PDE7B: variants seen among roughly 807,000 people sequenced by gnomAD.
PDE7B encodes phosphodiesterase 7B, also known as 3',5'-cyclic-AMP phosphodiesterase 7B.
A neutral mutation model predicts 56.2 loss-of-function variants in PDE7B; 29 were observed. That is an observed-to-expected ratio of 0.52 (90% CI 0.38 to 0.70). PDE7B has a LOEUF of 0.70. Among genes scored for constraint, PDE7B ranks in the 30% least tolerant of loss-of-function variants. PDE7B has a pLI of 0.00. For synonymous variants in PDE7B, 197 were observed against 196.9 expected, an observed-to-expected ratio of 1.00 and a Z score of 0.00; for missense variants, 490 against 565.0, an observed-to-expected ratio of 0.87 and a Z score of 1.35.
chr6:136,067,127 A>G (rs1050186172), intron 2 of PDE7B, among the ~76,000 whole-genome samples: 2 of 152,176 alleles, frequency 1.3e-5, no homozygotes, highest in African/African-American at 2.4e-5. Context: ...CTGGAATTAC[A>G]GGTGTGAGCC....
intron 3 of PDE7B, among the ~76,000 whole-genome samples, chr6:136,141,098 G>T (rs1362338633): frequency 6.6e-6 from 1 of 152,082 alleles, no homozygotes; most frequent in Non-Finnish European, 1.5e-5. Context: ...TATTAGCTGT[G>T]GGTTTGTCAT....
At chr6:136,000,898 A>C (rs1335205249) in intron 2 of PDE7B, among the ~76,000 whole-genome samples, 1 of 152,184 alleles carries the variant, frequency 6.6e-6, no homozygotes, top group Non-Finnish European at 1.5e-5. Flanking sequence ...CTGCCTCCTC[A>C]AGTGGGTCCC....
Position 135,985,215 on chromosome 6 carries a change from G to A in PDE7B, c.82+37691G>A, listed in dbSNP as rs561561700. ...AGTTCAGGGGTAAATGCCACTGAGG[G>A]AAAAAAAACCCTCCATATAGCTGTT... On this transcript the variant is annotated intron_variant, in intron 2 of 12. Coordinates refer to ENST00000308191, the MANE Select transcript of PDE7B (RefSeq NM_018945.4). Among the ~76,000 whole-genome samples, 993 of 151,926 alleles carry A rather than the reference G, an allele frequency of 6.5e-3. 9 individuals carry two copies. The highest frequency in any genetic ancestry group is 0.023 in the African/African-American group (935 of 41,476).
chr6:136,059,140 C>A (rs1343120805), intron 2 of PDE7B, among the ~76,000 whole-genome samples: 2 of 151,996 alleles, frequency 1.3e-5, no homozygotes, highest in African/African-American at 4.8e-5. Flanking sequence ...AGGAGTTAAC[C>A]CATTTATGCC....
At chr6:135,919,632 T>C (rs560235301) in intron 1 of PDE7B, among the ~76,000 whole-genome samples, 3 of 152,336 alleles carry the variant, frequency 2.0e-5, no homozygotes, top group African/African-American at 4.8e-5. Flanking sequence ...TTTTTCCTAG[T>C]GTTTCAATAT....
chr6:136,142,922 T>G (rs908646332), intron 3 of PDE7B, among the ~76,000 whole-genome samples: 1 of 152,198 alleles, frequency 6.6e-6, no homozygotes, highest in Non-Finnish European at 1.5e-5. Flanking sequence ...AGTCTGTGTC[T>G]TTTAATTGGA....
intron 2 of PDE7B, chr6:136,047,237 C>T (rs1364131792): frequency 6.6e-6 from 1 of 152,188 alleles, no homozygotes; most frequent in Admixed American, 6.5e-5. Flanking sequence ...CCACAACCAT[C>T]TCAAAATGTT....
rs147768496 is a variant in PDE7B at position 136,159,543 on chromosome 6, G to A, written c.711+3785G>A. Among the ~76,000 whole-genome samples, 71 of 152,298 alleles carry A rather than the reference G, an allele frequency of 4.7e-4. No homozygotes were observed. In the East Asian group the frequency reaches 0.01, roughly 22 times the overall value. On this transcript the variant is annotated intron_variant, in intron 8 of 12. Transcript: ENST00000308191. ...TCGTTTCTTCAAGGGCCAAGGTCTT[G>A]TTTAGGGCTCAAGGAGCTTCTATTC... is the stretch of plus-strand genomic sequence containing the variant.
chr6:136,067,150 A>G (rs1776954160), intron 2 of PDE7B, among the ~76,000 whole-genome samples: 1 of 152,094 alleles, frequency 6.6e-6, no homozygotes, highest in African/African-American at 2.4e-5. Flanking sequence ...TGCACCCAAC[A>G]CAACAACCAT....
At chr6:135,918,351 G>T (rs755303017) in intron 1 of PDE7B, among the ~76,000 whole-genome samples, 3 of 152,136 alleles carry the variant, frequency 2.0e-5, no homozygotes, top group African/African-American at 4.8e-5. Flanking sequence ...TTTTGTAATA[G>T]TTTATGGCTG....
chr6:135,905,653 G>C (rs185493932), intron 1 of PDE7B, among the ~76,000 whole-genome samples: 7 of 152,282 alleles, frequency 4.6e-5, no homozygotes, highest in Admixed American at 3.9e-4. Flanking sequence ...TGGAAGCCTA[G>C]TACCTGAATG....
intron 2 of PDE7B, among the ~76,000 whole-genome samples, chr6:135,974,800 C>A (rs1390749804): frequency 6.6e-6 from 1 of 152,180 alleles, no homozygotes; most frequent in Non-Finnish European, 1.5e-5. Flanking sequence ...CCTGGTGTCA[C>A]CTTTTCTGAT....
intron 11 of PDE7B, 39 bp downstream of exon 11, chr6:136,181,362 T>C (rs1779061361): frequency 8.0e-7 from 1 of 1,245,198 alleles, no homozygotes; most frequent in South Asian, 1.2e-5. Context: ...CATTGCCCTG[T>C]CTTCTTTTAG....
chr6:135,897,827 G>A (rs999045017), intron 1 of PDE7B, among the ~76,000 whole-genome samples: 2 of 152,158 alleles, frequency 1.3e-5, no homozygotes, highest in African/African-American at 4.8e-5. Flanking sequence ...TTCCTCTCAT[G>A]GGGATCTAAA....
At position 136,037,774 on chromosome 6, in the gene PDE7B, C is replaced by T. The variant is rs1000582629; in HGVS notation, c.83-70957C>T. 10 of 985,292 alleles carry T rather than the reference C, an allele frequency of 1.0e-5. No individual in the cohort carries two copies. In the African/African-American group the frequency reaches 1.6e-4, roughly 15 times the overall value. The allele number at this position is 985,292 out of a possible 1,614,324, so 61.0% of individuals were successfully genotyped here. On this transcript the variant is annotated intron_variant, in intron 2 of 12. Transcript: ENST00000308191. ...CTTCTTTGCCTGAAGTCCTTAAGAG[C>T]TAAGCCGACAAAGAGCTAAGAGTCA...
At chr6:136,134,475 G>T (rs917066693) in intron 3 of PDE7B, among the ~76,000 whole-genome samples, 4 of 152,012 alleles carry the variant, frequency 2.6e-5, no homozygotes, top group Non-Finnish European at 4.4e-5. Context: ...GAAGCGGAGG[G>T]TTCAATAAAA....
intron 2 of PDE7B, among the ~76,000 whole-genome samples, chr6:135,995,775 A>G (rs765869423): frequency 2.6e-5 from 4 of 152,224 alleles, no homozygotes; most frequent in Non-Finnish European, 5.9e-5. Context: ...AGACAATTTG[A>G]GTGAATTATA....
chr6:135,925,402 A>G (rs894565593), intron 1 of PDE7B, among the ~76,000 whole-genome samples: 1 of 152,184 alleles, frequency 6.6e-6, no homozygotes, highest in African/African-American at 2.4e-5. Flanking sequence ...AATTTATTTC[A>G]TTGCTGACAC....
intron 8 of PDE7B, chr6:136,156,101 A>G: frequency 2.6e-6 from 1 of 380,720 alleles, no homozygotes. Flanking sequence ...TCCCATCAGT[A>G]AATTTATTCT....
Sources: allele counts gnomAD v4.1 joint callset (sites outside exome capture counted in the v4.1 genomes callset), GRCh38; gene constraint gnomAD v4.1.1; transcripts MANE v1.5; gene names NCBI Gene and HGNC (gene_info 2026-07-23, HGNC 2026-07-21).